AGO3: variants seen among roughly 807,000 people sequenced by gnomAD.
The protein encoded by AGO3 is argonaute RISC catalytic component 3, also known as protein argonaute-3.
In AGO3, 16 loss-of-function variants were observed where a neutral mutation model predicts 105.5. The observed-to-expected ratio is 0.15, with a 90% CI of 0.10 to 0.23. AGO3 has a LOEUF of 0.23. Among genes scored for constraint, AGO3 ranks in the 10% least tolerant of loss-of-function variants. AGO3 has a pLI of 1.00. For synonymous variants in AGO3, 340 were observed against 367.3 expected, an observed-to-expected ratio of 0.93 and a Z score of 0.85; for missense variants, 534 against 1,088.0, an observed-to-expected ratio of 0.49 and a Z score of 7.16.
chr1:35,985,500 G>A (rs1647152957), intron 5 of AGO3, among the ~76,000 whole-genome samples: 1 of 152,182 alleles, frequency 6.6e-6, no homozygotes. Flanking sequence ...CTAGAAACGA[G>A]CCACATATGT....
chr1:35,964,018 G>A (rs1646728634), intron 2 of AGO3, among the ~76,000 whole-genome samples: 1 of 151,932 alleles, frequency 6.6e-6, no homozygotes, highest in East Asian at 1.9e-4. Context: ...ATTTATTGAG[G>A]ATATACTATG....
At chr1:36,049,208 C>A (rs906257306) in intron 17 of AGO3, among the ~76,000 whole-genome samples, 54 of 151,742 alleles carry the variant, frequency 3.6e-4, no homozygotes, top group African/African-American at 1.3e-3. Context: ...GAGAGGAGGG[C>A]AGGGGGGATG....
At chr1:36,046,239 T>C (rs1343499620) in intron 17 of AGO3, among the ~76,000 whole-genome samples, 11 of 152,134 alleles carry the variant, frequency 7.2e-5, no homozygotes, top group Non-Finnish European at 1.3e-4. Context: ...ATCTTGGAAG[T>C]GGAACTATAG....
chr1:35,931,223 G>C lies in AGO3; in HGVS notation c.-204G>C, dbSNP rs1646039376. 1 of 427,208 alleles carries C rather than the reference G, an allele frequency of 2.3e-6. No homozygotes were observed. Among genetic ancestry groups the C allele is most frequent in the African/African-American group, 2.1e-5 (1 of 48,752 alleles). The allele number at this position is 427,208 out of a possible 1,614,324, so 26.5% of individuals were successfully genotyped here. A position where few individuals can be genotyped will look rare whatever the true frequency, so the allele number is the denominator to read the frequency against. On this transcript the variant is annotated 5_prime_UTR_variant, in exon 1 of 19. Transcript: ENST00000373191. ...GCGCCTCACATCTCCCCTTCCTCTC[G>C]CCTAGTCCTGTGCCGTTTTCCGTCC...
At chr1:36,030,691 G>A (rs746332766) in intron 12 of AGO3, among the ~76,000 whole-genome samples, 1 of 151,976 alleles carries the variant, frequency 6.6e-6, no homozygotes, top group African/African-American at 2.4e-5. Flanking sequence ...AACATGCCTG[G>A]GCTGGTCTCG....
chr1:36,025,056 A>C (rs1265371252), intron 11 of AGO3, among the ~76,000 whole-genome samples: 4 of 152,134 alleles, frequency 2.6e-5, no homozygotes, highest in Non-Finnish European at 4.4e-5. Flanking sequence ...ATCCCTCTGG[A>C]ATCTAATTTT....
intron 17 of AGO3, among the ~76,000 whole-genome samples, chr1:36,047,782 G>A (rs1354799888): frequency 2.0e-5 from 3 of 152,110 alleles, no homozygotes; most frequent in Non-Finnish European, 4.4e-5. Context: ...TCGGGACTGA[G>A]GCAGGAGGAT....
Position 35,952,136 on chromosome 1 carries a change from CTTTCTTTCTTTCTTTTTT to C in AGO3, c.191+6277_191+6294del, listed in dbSNP as rs1488070296. On this transcript the variant is annotated intron_variant, in intron 2 of 18. Coordinates refer to ENST00000373191, the MANE Select transcript of AGO3 (RefSeq NM_024852.4). ...TCTTTCTTTCTTTCTTTCTTTCTTT[CTTTCTTTCTTTCTTTTTT>C]TTTTTTTTTTTTGACAGAGTCTCGC... Among the ~76,000 whole-genome samples, 23 of 111,506 alleles carry C rather than the reference CTTTCTTTCTTTCTTTTTT, an allele frequency of 2.1e-4. 2 individuals are homozygous for C. The East Asian group carries it at 0.013, about 62-fold the overall frequency. The allele number at this position is 111,506 out of a possible 152,430, so 73.2% of individuals were successfully genotyped here. A position where few individuals can be genotyped will look rare whatever the true frequency, so the allele number is the denominator to read the frequency against.
chr1:36,039,492 C>CAA (rs1048314282), intron 14 of AGO3, among the ~76,000 whole-genome samples: 734 of 53,844 alleles, frequency 0.014, 8 homozygotes, highest in African/African-American at 0.027. Flanking sequence ...GACTGCGTCT[C>CAA]AAAAAAAAAA....
intron 1 of AGO3, among the ~76,000 whole-genome samples, chr1:35,942,636 ATTG>A (rs1175380388): frequency 6.6e-6 from 1 of 152,144 alleles, no homozygotes; most frequent in Non-Finnish European, 1.5e-5. Flanking sequence ...TTATTAATTT[ATTG>A]TTTGAATTTT....
At chr1:35,970,005 T>G (rs1646837256) in intron 3 of AGO3, among the ~76,000 whole-genome samples, 1 of 152,194 alleles carries the variant, frequency 6.6e-6, no homozygotes, top group South Asian at 2.1e-4. Context: ...CCAAAAATCA[T>G]TATGTGGTGC....
Position 36,061,699 on chromosome 1 carries a change from G to A in AGO3, c.*5954G>A, listed in dbSNP as rs999727407. 1 of 152,136 alleles carries A rather than the reference G, an allele frequency of 6.6e-6. No individual in the cohort carries two copies. Among genetic ancestry groups the A allele is most frequent in the Non-Finnish European group, 1.5e-5 (1 of 68,022 alleles). 9.4% of individuals were successfully genotyped at this position (152,136 alleles called of 1,614,324 possible). A position where few individuals can be genotyped will look rare whatever the true frequency, so the allele number is the denominator to read the frequency against. The stretch of plus-strand genomic sequence containing the variant: ...GTTAGGGTCTCAGTAAAGCAAAGAC[G>A]TTTGTCAGGGCGTAGACTCTTGAGT... On this transcript the variant is annotated 3_prime_UTR_variant, in exon 19 of 19. Coordinates refer to ENST00000373191, the MANE Select transcript of AGO3 (RefSeq NM_024852.4).
intron 5 of AGO3, among the ~76,000 whole-genome samples, chr1:35,993,164 C>T (rs1160416610): frequency 6.6e-6 from 1 of 152,088 alleles, no homozygotes; most frequent in Non-Finnish European, 1.5e-5. Context: ...CTGTGAATCC[C>T]ATATGTCAAG....
intron 9 of AGO3, 39 bp downstream of exon 9, chr1:36,009,633 T>C: frequency 6.3e-7 from 1 of 1,587,434 alleles, no homozygotes; most frequent in South Asian, 1.1e-5. Flanking sequence ...TTAAAACATA[T>C]TAGGGTGAAC....
Position 36,008,144 on chromosome 1 carries a change from T to C in AGO3, c.794-546T>C, listed in dbSNP as rs931641078. ...GGAAAAGAGCTGTGTCACTATATTA[T>C]ACCTCTATAAAAGTGTCACTTTGCT... On this transcript the variant is annotated intron_variant, in intron 6 of 18. Coordinates refer to ENST00000373191, the MANE Select transcript of AGO3 (RefSeq NM_024852.4). The surrounding 1 kb of genome is among the most constrained non-coding windows in gnomAD (Gnocchi z 5.1). 3.9e-5 allele frequency among the ~76,000 whole-genome samples: 6 copies of C among 152,336 alleles called. No individual in the cohort carries two copies. Among genetic ancestry groups the C allele is most frequent in the Non-Finnish European group, 8.8e-5 (6 of 68,028 alleles).
chr1:35,973,341 G>A (rs1340495162), intron 4 of AGO3, 34 bp from the exon 5 acceptor site: 2 of 1,433,148 alleles, frequency 1.4e-6, no homozygotes, highest in Non-Finnish European at 9.3e-7. Context: ...GCATGAGAAG[G>A]AAAGGATTGA....
In AGO3 at chr1:36,037,699, T is replaced by A. The variant is rs931102123; in HGVS notation, c.1842+1432T>A. 1.1e-4 allele frequency among the ~76,000 whole-genome samples: 16 copies of A among 152,328 alleles called. 1 individual carries two copies. Among genetic ancestry groups the A allele is most frequent in the African/African-American group, 3.8e-4 (16 of 41,566 alleles). ...AAGGAAATTAATTTTTATCTATTAA[T>A]TCTCTTGCTTTTGTATTTTTAATGT... On this transcript the variant is annotated intron_variant, in intron 14 of 18. Coordinates refer to ENST00000373191, the MANE Select transcript of AGO3 (RefSeq NM_024852.4).
chr1:36,062,531 A>T lies in AGO3; in HGVS notation c.*6786A>T, dbSNP rs988126456. On this transcript the variant is annotated 3_prime_UTR_variant, in exon 19 of 19. Transcript: ENST00000373191. Reference sequence around the variant, plus strand: ...ATGATGACAAGGCATTTAAAAGGGTATGATCAGTTAAATAGAAGTAGGGTC... The same window carrying T: ...ATGATGACAAGGCATTTAAAAGGGTTTGATCAGTTAAATAGAAGTAGGGTC... 6.6e-6 allele frequency: 1 copy of T among 152,200 alleles called. No homozygotes were observed. The highest frequency in any genetic ancestry group is 2.4e-5 in the African/African-American group (1 of 41,450). The allele number at this position is 152,200 out of a possible 1,614,324, so 9.4% of individuals were successfully genotyped here. A position where few individuals can be genotyped will look rare whatever the true frequency, so the allele number is the denominator to read the frequency against.
chr1:35,974,224 A>G (rs1264139824), intron 5 of AGO3, among the ~76,000 whole-genome samples: 4 of 152,150 alleles, frequency 2.6e-5, no homozygotes, highest in Admixed American at 6.6e-5. Context: ...CCTGTCCACA[A>G]TCAGATTTCC....
Sources: allele counts gnomAD v4.1 joint callset (sites outside exome capture counted in the v4.1 genomes callset), GRCh38; gene constraint gnomAD v4.1.1; non-coding constraint Gnocchi (gnomAD v3.1); transcripts MANE v1.5; gene names NCBI Gene and HGNC (gene_info 2026-07-23, HGNC 2026-07-21).